FAM135B: variants seen among roughly 807,000 people sequenced by gnomAD.
FAM135B encodes family with sequence similarity 135 member B, also known as protein FAM135B.
FAM135B carries 43 observed loss-of-function variants against 127.7 expected under a neutral mutation model. That is an observed-to-expected ratio of 0.34 (90% CI 0.26 to 0.43). The LOEUF (loss-of-function observed/expected upper bound fraction) is 0.43. Among genes scored for constraint, FAM135B ranks in the 20% least tolerant of loss-of-function variants. The pLI is 1.00. For synonymous variants in FAM135B, 670 were observed against 665.1 expected (o/e 1.01, Z -0.11); for missense variants, 1,558 against 1,725.6 (o/e 0.90, Z 1.72).
In FAM135B at chr8:138,298,848, G is replaced by C. The variant is rs1825661380; in HGVS notation, c.157+11993C>G. Among the ~76,000 whole-genome samples the C allele has an allele frequency of 2.0e-5, 3 of 152,148 alleles. No individual in the cohort carries two copies. The South Asian group carries it at 6.2e-4, about 32-fold the overall frequency. ...GACCTCTGAAATGCAAAATGAGAAAGGGGAGTGTTCTCAGGGTAACAGTCC... is the reference window on the plus strand; with the variant it reads ...GACCTCTGAAATGCAAAATGAGAAACGGGAGTGTTCTCAGGGTAACAGTCC... On this transcript the variant is annotated intron_variant, in intron 3 of 19. Coordinates refer to ENST00000395297, the MANE Select transcript of FAM135B (RefSeq NM_015912.4).
chr8:138,138,180 G>T (rs778027688), intron 18 of FAM135B, among the ~76,000 whole-genome samples: 1 of 152,158 alleles, frequency 6.6e-6, no homozygotes, highest in Non-Finnish European at 1.5e-5. Context: ...CTTCTGCCAA[G>T]CCCTGCCTCC....
At chr8:138,442,969 A>C (rs1474038599) in intron 1 of FAM135B, among the ~76,000 whole-genome samples, 1 of 152,144 alleles carries the variant, frequency 6.6e-6, no homozygotes. Context: ...GTGTGCGAGG[A>C]TGGCTTGTCT....
intron 3 of FAM135B, among the ~76,000 whole-genome samples, chr8:138,267,066 T>C (rs2130645514): frequency 6.6e-6 from 1 of 152,340 alleles, no homozygotes; most frequent in African/African-American, 2.4e-5. Context: ...TATGAATGTT[T>C]ATGTCTCCCC....
rs932686504 is a variant in FAM135B, at chr8:138,161,774, C to T, written c.1258+6121G>A. 1.4e-4 allele frequency among the ~76,000 whole-genome samples: 21 copies of T among 152,318 alleles called. No individual in the cohort carries two copies. In the East Asian group the frequency reaches 1.5e-3, roughly 11 times the overall value. ...GCCTCTCTCTACAATACCCTTCCCACGACCTACCGCAAGTTAGACCTTCTC... is the reference window on the plus strand; with the variant it reads ...GCCTCTCTCTACAATACCCTTCCCATGACCTACCGCAAGTTAGACCTTCTC... On this transcript the variant is annotated intron_variant, in intron 12 of 19. Transcript: ENST00000395297.
At chr8:138,135,001 G>A (rs1816516305) in intron 19 of FAM135B, among the ~76,000 whole-genome samples, 1 of 152,160 alleles carries the variant, frequency 6.6e-6, no homozygotes, top group Non-Finnish European at 1.5e-5. Context: ...TGCTAGAGCA[G>A]GAGTTGTCAG....
intron 1 of FAM135B, among the ~76,000 whole-genome samples, chr8:138,402,483 C>T (rs1453840088): frequency 1.3e-5 from 2 of 152,150 alleles, no homozygotes; most frequent in African/African-American, 2.4e-5. Flanking sequence ...TATGTCTGCA[C>T]CCTCAAATAA....
At chr8:138,457,025 CA>C (rs11320792) in intron 1 of FAM135B, among the ~76,000 whole-genome samples, 70,120 of 136,284 alleles carry the variant, frequency 0.51, 17,354 homozygotes, top group East Asian at 0.81. Flanking sequence ...ATAAAAGGAA[CA>C]AAAAAAAAAA....
intron 1 of FAM135B, among the ~76,000 whole-genome samples, chr8:138,375,531 T>A (rs1044701996): frequency 6.6e-6 from 1 of 152,176 alleles, no homozygotes; most frequent in African/African-American, 2.4e-5. Flanking sequence ...AATAAATCTT[T>A]ATCCCCAACA....
At chr8:138,417,191 C>A (rs1826314190) in intron 1 of FAM135B, among the ~76,000 whole-genome samples, 2 of 152,168 alleles carry the variant, frequency 1.3e-5, no homozygotes, top group Admixed American at 1.3e-4. Flanking sequence ...GCAGGGCTAT[C>A]TTTCCCATGG....
intron 9 of FAM135B, among the ~76,000 whole-genome samples, chr8:138,193,096 A>G (rs539843967): frequency 1.2e-4 from 19 of 152,258 alleles, no homozygotes; most frequent in African/African-American, 3.9e-4. Context: ...CGTGACGTAT[A>G]AGGAGAAAAC....
At chr8:138,228,784 C>T (rs1266219150) in intron 7 of FAM135B, among the ~76,000 whole-genome samples, 5 of 151,428 alleles carry the variant, frequency 3.3e-5, no homozygotes, top group South Asian at 2.1e-4. Flanking sequence ...GGCTTGCAAG[C>T]GCTGCCTGCA....
intron 8 of FAM135B, among the ~76,000 whole-genome samples, chr8:138,195,664 A>G (rs1299351453): frequency 6.6e-6 from 1 of 152,160 alleles, no homozygotes; most frequent in Non-Finnish European, 1.5e-5. Flanking sequence ...ACACAAACAC[A>G]CACACACACA....
intron 2 of FAM135B, among the ~76,000 whole-genome samples, chr8:138,314,809 G>A (rs1826954652): frequency 1.3e-5 from 2 of 150,008 alleles, no homozygotes; most frequent in African/African-American, 4.9e-5. Flanking sequence ...GAGAACAGGA[G>A]GTTGAAGAGG....
At chr8:138,251,471 C>T (rs575636202) in intron 5 of FAM135B, among the ~76,000 whole-genome samples, 4 of 152,222 alleles carry the variant, frequency 2.6e-5, no homozygotes, top group South Asian at 2.1e-4. Flanking sequence ...ATGACTAATG[C>T]GTCTTTATAG....
At chr8:138,491,378 T>C (rs1564040630) in intron 1 of FAM135B, among the ~76,000 whole-genome samples, 1 of 152,198 alleles carries the variant, frequency 6.6e-6, no homozygotes, top group Non-Finnish European at 1.5e-5. Context: ...TCTATAGTTT[T>C]CCGTGTCCCA....
chr8:138,153,648 C>G (rs148565157), intron 12 of FAM135B, among the ~76,000 whole-genome samples: 1 of 152,212 alleles, frequency 6.6e-6, no homozygotes, highest in Non-Finnish European at 1.5e-5. Context: ...TATCCCGCAC[C>G]TGGCTTGGAG....
intron 1 of FAM135B, among the ~76,000 whole-genome samples, chr8:138,371,495 T>C (rs1831120611): frequency 6.6e-6 from 1 of 152,160 alleles, no homozygotes; most frequent in South Asian, 2.1e-4. Flanking sequence ...TCTCTGCCTC[T>C]GTAGGACTGA....
Position 138,132,694 on chromosome 8 carries a change from C to T in FAM135B, c.4120G>A (p.Ala1374Thr), listed in dbSNP as rs374966721. Residue 1374 changes from alanine to threonine, a missense_variant, in exon 20 of 20, where the codon GCC (alanine) becomes ACC (threonine). Transcript: ENST00000395297. The surrounding 1 kb of genome is among the most constrained non-coding windows in gnomAD (Gnocchi z 4.5). ...GCGGCTCGGCCGATCAGGGTGTTGG[C>T]AGTGTTGGGCAGGGCGTGGAACACG... ...HNVFHALPNT[A>T]NTLIGRAAHI... 6.2e-7 allele frequency: 1 copy of T among 1,614,154 alleles called. No individual in the cohort carries two copies. Among genetic ancestry groups the T allele is most frequent in the Non-Finnish European group, 8.5e-7 (1 of 1,180,036 alleles).
At chr8:138,417,761 C>G (rs1381524788) in intron 1 of FAM135B, among the ~76,000 whole-genome samples, 1 of 152,088 alleles carries the variant, frequency 6.6e-6, no homozygotes, top group Non-Finnish European at 1.5e-5. Flanking sequence ...TTAACTAAGC[C>G]CAAACTATAC....
Sources: allele counts gnomAD v4.1 joint callset (sites outside exome capture counted in the v4.1 genomes callset), GRCh38; gene constraint gnomAD v4.1.1; non-coding constraint Gnocchi (gnomAD v3.1); transcripts MANE v1.5; gene names NCBI Gene and HGNC (gene_info 2026-07-23, HGNC 2026-07-21).